TANK: variants seen among roughly 807,000 people sequenced by gnomAD.
The protein encoded by TANK is TRAF family member-associated NF-kappa-B activator.
Under a neutral mutation model 43.6 loss-of-function variants are expected in TANK, and 15 were observed. That is an observed-to-expected ratio of 0.34 (90% confidence interval 0.23 to 0.53). The LOEUF (loss-of-function observed/expected upper bound fraction) is 0.53, where lower values mean the gene tolerates loss of function less well. TANK is among the 20% of genes least tolerant of loss of function. TANK has a pLI of 0.94. For synonymous variants in TANK, 162 were observed against 178.2 expected, an observed-to-expected ratio of 0.91 and a Z score of 0.73; for missense variants, 417 against 498.6, an observed-to-expected ratio of 0.84 and a Z score of 1.56.
chr2:161,154,285 G>T (rs1013997033), intron 1 of TANK, among the ~76,000 whole-genome samples: 5 of 152,098 alleles, frequency 3.3e-5, no homozygotes, highest in Admixed American at 6.6e-5. Context: ...GCAAATACCT[G>T]AAAAGGACAA....
At chr2:161,233,412 A>T (rs974064540) in intron 7 of TANK, among the ~76,000 whole-genome samples, 1 of 150,492 alleles carries the variant, frequency 6.6e-6, no homozygotes, top group Non-Finnish European at 1.5e-5. Flanking sequence ...AATAATAATA[A>T]TTTTTTTTTT....
At position 161,222,431 on chromosome 2, in the gene TANK, G is replaced by A. The variant is rs141790680; in HGVS notation, c.328-1484G>A. 1.9e-3 allele frequency among the ~76,000 whole-genome samples: 292 copies of A among 151,992 alleles called. 1 individual carries two copies. Among genetic ancestry groups the A allele is most frequent in the African/African-American group, 6.8e-3 (284 of 41,466 alleles). On this transcript the variant is annotated intron_variant, in intron 4 of 7. Transcript: ENST00000392749. ...TATTTTCTTAATATACCTCTTCTCT[G>A]ATTTTGTTGATATAGACTTAATAAT... is the stretch of plus-strand genomic sequence containing the variant.
chr2:161,145,870 T>A (rs1683896095), intron 1 of TANK, among the ~76,000 whole-genome samples: 1 of 151,970 alleles, frequency 6.6e-6, no homozygotes, highest in African/African-American at 2.4e-5. Context: ...TGTTGGCCTG[T>A]CTTGCTAGGT....
intron 4 of TANK, chr2:161,208,278 A>G (rs1686734356): frequency 1.1e-6 from 1 of 912,714 alleles, no homozygotes; most frequent in Non-Finnish European, 1.3e-6. Context: ...CTTAAGAAAC[A>G]TGAAATTTAT....
At chr2:161,158,068 C>G (rs1483324210), upstream of TANK, among the ~76,000 whole-genome samples, 1 of 152,142 alleles carries the variant, frequency 6.6e-6, no homozygotes, top group African/African-American at 2.4e-5. Flanking sequence ...TAAATAGAGA[C>G]GTGGTCTCAC....
At chr2:161,210,391 A>G (rs997060836) in intron 4 of TANK, among the ~76,000 whole-genome samples, 2 of 152,256 alleles carry the variant, frequency 1.3e-5, no homozygotes, top group Non-Finnish European at 1.5e-5. Flanking sequence ...CAATAGCAAT[A>G]GTATTGTAAT....
At chr2:161,195,054 T>C (rs998805763) in intron 2 of TANK, among the ~76,000 whole-genome samples, 1 of 152,218 alleles carries the variant, frequency 6.6e-6, no homozygotes, top group African/African-American at 2.4e-5. Flanking sequence ...GAATGGAAGA[T>C]ATTTGTATCC....
chr2:161,212,176 T>G (rs908774088), intron 4 of TANK: 33 of 310,720 alleles, frequency 1.1e-4, no homozygotes, highest in African/African-American at 7.2e-4. Flanking sequence ...ATCTCCTGCC[T>G]CAGCCTCCCG....
chr2:161,229,737 T>C (rs1687813629), intron 6 of TANK, among the ~76,000 whole-genome samples: 1 of 152,220 alleles, frequency 6.6e-6, no homozygotes, highest in Non-Finnish European at 1.5e-5. Context: ...ACAGATACTT[T>C]GTATACCTTG....
chr2:161,142,169 T>C (rs1683767915), intron 1 of TANK, among the ~76,000 whole-genome samples: 1 of 152,120 alleles, frequency 6.6e-6, no homozygotes, highest in Non-Finnish European at 1.5e-5. Flanking sequence ...CACTCTTTGA[T>C]GGGGTTGTTT....
Position 161,231,043 on chromosome 2 carries a change from CTAAAGATGA to C in TANK, c.596_604del (p.Lys199_Asp201del). On this transcript the variant is annotated inframe_deletion, in exon 7 of 8. Coordinates refer to ENST00000392749, the MANE Select transcript of TANK (RefSeq NM_001199135.3). ...CAAGAAGCGCTGTTTAAGCCTCAGG[CTAAAGATGA>C]TATAAATAGAGGTGCACCATCCATC... 6.2e-7 allele frequency: 1 copy of C among 1,614,074 alleles called. No individual in the cohort carries two copies. The highest frequency in any genetic ancestry group is 8.5e-7 in the Non-Finnish European group (1 of 1,179,994).
At chr2:161,219,724 C>T (rs1390614085) in intron 4 of TANK, 3 of 463,676 alleles carry the variant, frequency 6.5e-6, no homozygotes, top group Non-Finnish European at 1.3e-5. Flanking sequence ...CCTGATTCAG[C>T]TGTATCCAGT....
chr2:161,140,849 C>A (rs1683726508), intron 1 of TANK, among the ~76,000 whole-genome samples: 1 of 151,552 alleles, frequency 6.6e-6, no homozygotes, highest in Non-Finnish European at 1.5e-5. Flanking sequence ...TTTTTAAAAC[C>A]ATTTTAGATT....
intron 1 of TANK, among the ~76,000 whole-genome samples, chr2:161,150,274 T>C (rs923788379): frequency 1.1e-4 from 16 of 152,312 alleles, no homozygotes; most frequent in African/African-American, 3.6e-4. Context: ...AACTGTTCCA[T>C]AACATAATAT....
At chr2:161,160,267 G>A (rs1212233777), upstream of TANK, 2 of 422,450 alleles carry the variant, frequency 4.7e-6, no homozygotes, top group East Asian at 3.6e-5. Flanking sequence ...GCTGGGGGAG[G>A]GCGCTAGGCG....
At chr2:161,172,323 T>C (rs895933931) in intron 1 of TANK, among the ~76,000 whole-genome samples, 1 of 151,828 alleles carries the variant, frequency 6.6e-6, no homozygotes, top group African/African-American at 2.4e-5. Context: ...TTTTCTCTAT[T>C]GTTTTCTTTT....
chr2:161,228,246 A>G (rs1687730518), intron 6 of TANK, among the ~76,000 whole-genome samples: 1 of 152,248 alleles, frequency 6.6e-6, no homozygotes. Flanking sequence ...AAAAGTTCAT[A>G]TCAGCCCAGG....
chr2:161,145,686 G>A (rs955705436), intron 1 of TANK, among the ~76,000 whole-genome samples: 4 of 151,932 alleles, frequency 2.6e-5, no homozygotes, highest in Non-Finnish European at 5.9e-5. Context: ...TCTGCTGAGA[G>A]GTTCACTGTT....
intron 7 of TANK, chr2:161,233,040 AG>A: frequency 1.2e-5 from 7 of 585,486 alleles, no homozygotes; most frequent in Non-Finnish European, 2.0e-5. Context: ...GTATTAATAA[AG>A]CTAGTATTAT....
Sources: gnomAD v4.1 joint callset for allele counts (sites outside exome capture counted in the v4.1 genomes callset) on GRCh38, gnomAD v4.1.1 for gene constraint, MANE v1.5 for transcripts, NCBI Gene and HGNC (gene_info 2026-07-23, HGNC 2026-07-21) for gene names.